PDE10A: variants seen among roughly 807,000 people sequenced by gnomAD.
The protein encoded by PDE10A is cAMP and cAMP-inhibited cGMP 3',5'-cyclic phosphodiesterase 10A.
A neutral mutation model predicts 97.7 loss-of-function variants in PDE10A; 39 were observed. The ratio of observed to expected loss-of-function variants is 0.40; its 90% confidence interval spans 0.31 to 0.52. The LOEUF (loss-of-function observed/expected upper bound fraction) is 0.52. PDE10A is among the 20% of genes least tolerant of loss of function. PDE10A has a pLI of 0.56. For synonymous variants in PDE10A, 371 were observed against 376.8 expected (o/e 0.98, Z 0.18); for missense variants, 731 against 1,047.8 (o/e 0.70, Z 4.17).
chr6:165,579,940 A>C (rs998743376), intron 1 of PDE10A, among the ~76,000 whole-genome samples: 5 of 152,104 alleles, frequency 3.3e-5, no homozygotes, highest in Admixed American at 1.3e-4. Context: ...ATGGTATTTA[A>C]TATTGTTGTC....
intron 1 of PDE10A, among the ~76,000 whole-genome samples, chr6:165,557,967 T>C (rs1042428465): frequency 2.6e-5 from 4 of 152,186 alleles, no homozygotes; most frequent in African/African-American, 9.7e-5. Flanking sequence ...AGTACGTGTA[T>C]ACTGAGTGCC....
chr6:165,652,853 A>C (rs1485464809), intron 1 of PDE10A, among the ~76,000 whole-genome samples: 1 of 152,190 alleles, frequency 6.6e-6, no homozygotes, highest in Non-Finnish European at 1.5e-5. Context: ...CATCAAAGTA[A>C]AAAGCTTTTT....
chr6:165,540,828 C>T (rs1464055414), intron 2 of PDE10A, among the ~76,000 whole-genome samples: 6 of 152,106 alleles, frequency 3.9e-5, no homozygotes, highest in Admixed American at 1.3e-4. Flanking sequence ...CAGGGTTTCA[C>T]CAGGTTAGCC....
At chr6:165,374,588 C>T (rs1001903767) in intron 18 of PDE10A, among the ~76,000 whole-genome samples, 1 of 151,892 alleles carries the variant, frequency 6.6e-6, no homozygotes, top group Non-Finnish European at 1.5e-5. Context: ...CAGAGACTGG[C>T]GTATTTACTG....
chr6:165,880,255 T>C (rs953322122), intron 1 of PDE10A, among the ~76,000 whole-genome samples: 26 of 152,194 alleles, frequency 1.7e-4, no homozygotes, highest in Admixed American at 1.6e-3. Context: ...TCAGTTAACT[T>C]TCTACATTGT....
intron 1 of PDE10A, among the ~76,000 whole-genome samples, chr6:165,911,219 A>T (rs1309829105): frequency 2.6e-5 from 4 of 152,212 alleles, no homozygotes; most frequent in Admixed American, 2.6e-4. Context: ...AACATGAGTA[A>T]TCAACAAACT....
intron 1 of PDE10A, among the ~76,000 whole-genome samples, chr6:165,912,403 T>A (rs552881079): frequency 6.6e-6 from 1 of 152,320 alleles, no homozygotes; most frequent in South Asian, 2.1e-4. Context: ...AGGGAAAGAA[T>A]CCAAGTCTTG....
At chr6:165,565,046 G>A (rs1203368506) in intron 1 of PDE10A, among the ~76,000 whole-genome samples, 1 of 152,130 alleles carries the variant, frequency 6.6e-6, no homozygotes, top group Non-Finnish European at 1.5e-5. Flanking sequence ...GAAAGTGAGA[G>A]GATGGGAAAG....
chr6:165,652,794 G>T (rs759111855), intron 1 of PDE10A, among the ~76,000 whole-genome samples: 1 of 152,136 alleles, frequency 6.6e-6, no homozygotes. Context: ...ATTCAAACAC[G>T]TCAGCCCTTC....
intron 1 of PDE10A, among the ~76,000 whole-genome samples, chr6:165,705,216 G>A (rs1351381326): frequency 6.6e-6 from 1 of 152,256 alleles, no homozygotes; most frequent in Non-Finnish European, 1.5e-5. Context: ...GACAGGTGAG[G>A]TTAAGACCAG....
At chr6:165,359,447 T>C (rs143229723) in intron 18 of PDE10A, among the ~76,000 whole-genome samples, 109 of 152,318 alleles carry the variant, frequency 7.2e-4, no homozygotes, top group Non-Finnish European at 1.3e-3. Context: ...GAAACACGCA[T>C]CATGTGTAGT....
intron 1 of PDE10A, among the ~76,000 whole-genome samples, chr6:165,576,729 C>T (rs866915959): frequency 6.6e-6 from 1 of 152,116 alleles, no homozygotes; most frequent in South Asian, 2.1e-4. Context: ...TCCAATCCAC[C>T]CTCTTCTTCA....
chr6:165,974,838 G>A (rs1449953264), intron 1 of PDE10A, among the ~76,000 whole-genome samples: 1 of 152,228 alleles, frequency 6.6e-6, no homozygotes, highest in Non-Finnish European at 1.5e-5. Flanking sequence ...GGATCTGGCA[G>A]GAGGAACAGA....
chr6:165,924,922 C>T (rs900101882), intron 1 of PDE10A, among the ~76,000 whole-genome samples: 10 of 152,210 alleles, frequency 6.6e-5, no homozygotes, highest in South Asian at 4.2e-4. Context: ...TAAGCTGGAC[C>T]GCATCAAAAT....
At chr6:165,933,278 G>C (rs1195359298) in intron 1 of PDE10A, among the ~76,000 whole-genome samples, 1 of 152,156 alleles carries the variant, frequency 6.6e-6, no homozygotes, top group Non-Finnish European at 1.5e-5. Flanking sequence ...TCCAGAGAGG[G>C]AAGAGAATTG....
intron 1 of PDE10A, among the ~76,000 whole-genome samples, chr6:165,788,903 G>A (rs75274313): frequency 0.017 from 2,556 of 152,210 alleles, 85 homozygotes; most frequent in East Asian, 0.11. Context: ...AGCCAAGTGC[G>A]TGCACCACCC....
intron 1 of PDE10A, among the ~76,000 whole-genome samples, chr6:165,626,717 C>G (rs1248898062): frequency 6.6e-6 from 1 of 151,866 alleles, no homozygotes; most frequent in African/African-American, 2.4e-5. Flanking sequence ...GGCTCACTTT[C>G]ACTCCTACCC....
intron 1 of PDE10A, among the ~76,000 whole-genome samples, chr6:165,673,481 G>A (rs1181007664): frequency 6.6e-6 from 1 of 152,204 alleles, no homozygotes; most frequent in Non-Finnish European, 1.5e-5. Context: ...AACCTCGCCG[G>A]AGCTGCTGAC....
At chr6:165,854,627 G>A (rs138680797) in intron 1 of PDE10A, among the ~76,000 whole-genome samples, 2 of 152,292 alleles carry the variant, frequency 1.3e-5, no homozygotes, top group African/African-American at 2.4e-5. Context: ...CTGGAGGTGA[G>A]GGGAGCGGGT....
Sources: gnomAD v4.1 joint callset for allele counts (sites outside exome capture counted in the v4.1 genomes callset) on GRCh38, gnomAD v4.1.1 for gene constraint, MANE v1.5 for transcripts, NCBI Gene and HGNC (gene_info 2026-07-23, HGNC 2026-07-21) for gene names.